The following COBLL1 variants were observed in gnomAD, a reference collection of about 807,000 sequenced individuals.
COBLL1 encodes cordon-bleu WH2 repeat protein like 1.
Under a neutral mutation model 94.8 loss-of-function variants are expected in COBLL1, and 50 were observed. That is an observed-to-expected ratio of 0.53 (90% confidence interval 0.42 to 0.67). COBLL1 has a LOEUF of 0.67. COBLL1 is among the 30% of genes least tolerant of loss of function. The probability of loss-of-function intolerance (pLI) is 0.00; values close to 1 mark genes in which losing one functional copy is unlikely to be tolerated. For synonymous variants in COBLL1, 448 were observed against 473.8 expected (o/e 0.95, Z 0.71); for missense variants, 1,362 against 1,348.7 (o/e 1.01, Z -0.15).
At chr2:164,732,997 G>T (rs1329056296) in intron 3 of COBLL1, among the ~76,000 whole-genome samples, 1 of 152,204 alleles carries the variant, frequency 6.6e-6, no homozygotes, top group Non-Finnish European at 1.5e-5. Context: ...GGAGCTTGCA[G>T]TGAGCCGAGA....
chr2:164,757,299 T>C (rs1687459390), intron 2 of COBLL1, among the ~76,000 whole-genome samples: 1 of 152,166 alleles, frequency 6.6e-6, no homozygotes, highest in Non-Finnish European at 1.5e-5. Flanking sequence ...TAAATGTTTA[T>C]GTAAATAAAT....
rs1688438437 is a variant in COBLL1 at position 164,775,863 on chromosome 2, C to G, written c.42-31988G>C. Among the ~76,000 whole-genome samples the G allele has an allele frequency of 2.6e-5, 4 of 152,202 alleles. 1 individual carries two copies. The South Asian group carries it at 8.3e-4, about 32-fold the overall frequency. ...TCACCCTACTTGGGGGTCTTACTAC[C>G]CATATTTTAAAATCTCTTGGCTGCC... On this transcript the variant is annotated intron_variant, in intron 2 of 13. Coordinates refer to ENST00000652658, the MANE Select transcript of COBLL1 (RefSeq NM_001365672.2).
Position 164,743,862 on chromosome 2 carries a change from C to A in COBLL1, c.55G>T (p.Ala19Ser). 6.5e-7 allele frequency: 1 copy of A among 1,531,708 alleles called. No individual in the cohort carries two copies. The highest frequency in any genetic ancestry group is 8.8e-7 in the Non-Finnish European group (1 of 1,136,486). 94.9% of individuals were successfully genotyped at this position (1,531,708 alleles called of 1,614,324 possible). The change falls in exon 3 of 14, where the codon GCC becomes TCC. Residue 19 changes from alanine to serine, a missense_variant. By Grantham distance (99) the Ala-to-Ser change is moderately conservative. Coordinates refer to ENST00000652658, the MANE Select transcript of COBLL1 (RefSeq NM_001365672.2). Reference sequence around the variant, plus strand: ...TCAGCTGGAGGAAGTGGTGCCTTGGCTTTTGGTTTTCTCCTAAAATATAAA... The same window carrying A: ...TCAGCTGGAGGAAGTGGTGCCTTGGATTTTGGTTTTCTCCTAAAATATAAA... ...QDAPARRKPK[A>S]KAPLPPAETK...
rs775999487 is a variant in COBLL1 at position 164,695,299 on chromosome 2, G to A, written c.2093C>T (p.Ala698Val). 6 of 1,613,872 alleles carry A rather than the reference G, an allele frequency of 3.7e-6. No homozygotes were observed. The South Asian group carries it at 6.6e-5, about 18-fold the overall frequency. Residue 698 changes from alanine (A) to valine (V), a missense_variant, in exon 12 of 14, where the codon GCT becomes GTT. Physicochemically the swap from Ala to Val is moderately conservative, Grantham distance 64. Transcript: ENST00000652658. The part of the protein sequence containing the change: ...PVDRIDKNST[A>V]SYLKNYPLYR... The stretch of plus-strand genomic sequence containing the variant: ...AAGTGGGTAATTCTTTAGGTAAGAA[G>A]CAGTGGAATTTTTGTCAATCCTATC...
intron 3 of COBLL1, chr2:164,743,066 CT>C (rs1686681580): frequency 6.6e-6 from 1 of 152,068 alleles, no homozygotes; most frequent in Admixed American, 6.5e-5. Flanking sequence ...AAATACCAGT[CT>C]TCTAAATCAC....
At chr2:164,694,148 C>T (rs1326600269) in intron 12 of COBLL1, 121 bp downstream of exon 12, 8 of 963,074 alleles carry the variant, frequency 8.3e-6, no homozygotes, top group African/African-American at 1.6e-5. Flanking sequence ...ACTACAATAG[C>T]TTAATTTCAG....
In COBLL1 at chr2:164,694,792, A is replaced by G. The variant is rs769648547; in HGVS notation, c.2600T>C (p.Phe867Ser). Residue 867 changes from phenylalanine to serine, a missense_variant, in exon 12 of 14, where the codon TTT becomes TCT. By Grantham distance (155) the Phe-to-Ser change is radical (BLOSUM62 -2). Coordinates refer to ENST00000652658, the MANE Select transcript of COBLL1 (RefSeq NM_001365672.2). ...TACTCTCTTCTGCATCTGCAAAAAA[A>G]AAGAGCTGGGTTTGGCCTGGGCATT... is the stretch of plus-strand genomic sequence containing the variant. The part of the protein sequence containing the change: ...ASNAQAKPSS[F>S]FLQMQKRVSG... 6.2e-7 allele frequency: 1 copy of G among 1,613,616 alleles called. No homozygotes were observed. Among genetic ancestry groups the G allele is most frequent in the African/African-American group, 1.3e-5 (1 of 74,864 alleles).
chr2:164,801,438 C>CAAAAAAAAAAAAAAAAA (rs143505097), intron 2 of COBLL1, among the ~76,000 whole-genome samples: 2 of 28,210 alleles, frequency 7.1e-5, no homozygotes, highest in African/African-American at 2.5e-4. Flanking sequence ...GACTCCGTCT[C>CAAAAAAAAAAAAAAAAA]AAAAAAAAAA....
chr2:164,746,872 CT>C (rs1448440169), intron 2 of COBLL1, among the ~76,000 whole-genome samples: 9 of 152,138 alleles, frequency 5.9e-5, no homozygotes, highest in African/African-American at 1.9e-4. Flanking sequence ...TGCTCCTGAC[CT>C]TAACACCCCC....
intron 2 of COBLL1, among the ~76,000 whole-genome samples, chr2:164,755,232 GT>G (rs1687338621): frequency 6.6e-6 from 1 of 152,182 alleles, no homozygotes; most frequent in African/African-American, 2.4e-5. Flanking sequence ...AGCATGTAGA[GT>G]ATGGCAGAAA....
At chr2:164,750,185 C>A (rs917793362) in intron 2 of COBLL1, among the ~76,000 whole-genome samples, 1 of 152,146 alleles carries the variant, frequency 6.6e-6, no homozygotes, top group Non-Finnish European at 1.5e-5. Flanking sequence ...ACTTTTATTC[C>A]CAACAATCTC....
At chr2:164,745,217 T>G (rs1686804169) in intron 2 of COBLL1, among the ~76,000 whole-genome samples, 1 of 152,180 alleles carries the variant, frequency 6.6e-6, no homozygotes, top group Admixed American at 6.5e-5. Flanking sequence ...ATATGACTCA[T>G]CGTGAAAAGA....
chr2:164,747,057 C>A (rs540345581), intron 2 of COBLL1, among the ~76,000 whole-genome samples: 1 of 151,358 alleles, frequency 6.6e-6, no homozygotes, highest in East Asian at 1.9e-4. Flanking sequence ...GGCACTGATA[C>A]TTGCTGAAAG....
chr2:164,776,255 GC>G (rs1340985515), intron 2 of COBLL1, among the ~76,000 whole-genome samples: 1 of 151,978 alleles, frequency 6.6e-6, no homozygotes, highest in Non-Finnish European at 1.5e-5. Flanking sequence ...GCTTCCCATG[GC>G]CCTTAGAATA....
chr2:164,674,821 A>G (rs1213890973), intron 1 of COBLL1, among the ~76,000 whole-genome samples: 2 of 152,202 alleles, frequency 1.3e-5, no homozygotes, highest in African/African-American at 4.8e-5. Flanking sequence ...TTCTTCTGCT[A>G]TTGCAACCAA....
intron 2 of COBLL1, among the ~76,000 whole-genome samples, chr2:164,750,130 G>A (rs1158669273): frequency 6.6e-6 from 1 of 152,128 alleles, no homozygotes; most frequent in Non-Finnish European, 1.5e-5. Context: ...TATGTCAGTG[G>A]CCGTCAAATT....
rs142661770 is a variant in COBLL1, at chr2:164,799,386, G to T, written c.41+41770C>A. 3.3e-5 allele frequency among the ~76,000 whole-genome samples: 5 copies of T among 152,192 alleles called. No homozygotes were observed. The East Asian group carries it at 9.7e-4, about 29-fold the overall frequency. On this transcript the variant is annotated intron_variant, in intron 2 of 13. Coordinates refer to ENST00000652658, the MANE Select transcript of COBLL1 (RefSeq NM_001365672.2). ...TTAAGATCCCAAAACGAAAATACTT[G>T]ACTGTAACTCCATCAAAATATGTAG...
chr2:164,788,156 C>A (rs571305396), intron 2 of COBLL1, among the ~76,000 whole-genome samples: 2 of 152,184 alleles, frequency 1.3e-5, no homozygotes, highest in Admixed American at 6.5e-5. Context: ...TATGACTGAC[C>A]AAAACCCAAG....
chr2:164,671,354 T>C (rs1465116386), intron 1 of COBLL1, among the ~76,000 whole-genome samples: 9 of 152,232 alleles, frequency 5.9e-5, no homozygotes, highest in Admixed American at 1.3e-4. Flanking sequence ...GACATGTTTC[T>C]GCTCAGGATA....
Sources: gnomAD v4.1 joint callset for allele counts (sites outside exome capture counted in the v4.1 genomes callset) on GRCh38, gnomAD v4.1.1 for gene constraint, MANE v1.5 for transcripts, NCBI Gene and HGNC (gene_info 2026-07-23, HGNC 2026-07-21) for gene names.